The following DGKB variants were observed in gnomAD, a reference collection of about 807,000 sequenced individuals.
The protein encoded by DGKB is 90 kDa diacylglycerol kinase.
A neutral mutation model predicts 114.3 loss-of-function variants in DGKB; 67 were observed. That is an observed-to-expected ratio of 0.59 (90% CI 0.48 to 0.72). DGKB has a LOEUF of 0.72. Among genes scored for constraint, DGKB ranks in the 30% least tolerant of loss-of-function variants. The pLI, the probability that DGKB is intolerant of heterozygous loss-of-function variation, is 0.00. For missense variants in DGKB, 907 were observed against 975.2 expected (o/e 0.93, Z 0.93); for synonymous variants, 398 against 323.1 (o/e 1.23, Z -2.49).
At chr7:14,423,047 C>T (rs1303865409) in intron 21 of DGKB, among the ~76,000 whole-genome samples, 2 of 151,788 alleles carry the variant, frequency 1.3e-5, no homozygotes, top group East Asian at 3.9e-4. Context: ...AAGATGAAGC[C>T]TGTGTTTAAT....
intron 1 of DGKB, among the ~76,000 whole-genome samples, chr7:14,915,927 A>G (rs1213815354): frequency 6.6e-6 from 1 of 152,082 alleles, no homozygotes. Context: ...TGAGGGTAAA[A>G]TAAAATGTTT....
chr7:14,219,729 TTTCAC>T (rs1027308643), intron 23 of DGKB, among the ~76,000 whole-genome samples: 1 of 151,814 alleles, frequency 6.6e-6, no homozygotes, highest in African/African-American at 2.4e-5. Context: ...TGTGTTGTCT[TTTCAC>T]TTTCTTGATA....
At chr7:14,513,557 G>C (rs1014592834) in intron 20 of DGKB, among the ~76,000 whole-genome samples, 2 of 151,906 alleles carry the variant, frequency 1.3e-5, no homozygotes, top group African/African-American at 4.8e-5. Context: ...TTCATACTAT[G>C]TCAACAGAAT....
At chr7:14,280,115 A>T (rs2128452341) in intron 23 of DGKB, among the ~76,000 whole-genome samples, 1 of 151,550 alleles carries the variant, frequency 6.6e-6, no homozygotes, top group Non-Finnish European at 1.5e-5. Flanking sequence ...ACTTTGAAAA[A>T]AATTTAGAAG....
intron 25 of DGKB, among the ~76,000 whole-genome samples, chr7:14,171,578 A>G (rs1562527073): frequency 6.6e-6 from 1 of 152,232 alleles, no homozygotes; most frequent in Non-Finnish European, 1.5e-5. Context: ...CATACAGGAA[A>G]TAGAAGGATT....
At chr7:14,714,671 G>C (rs999131641) in intron 6 of DGKB, among the ~76,000 whole-genome samples, 2 of 152,124 alleles carry the variant, frequency 1.3e-5, no homozygotes, top group African/African-American at 4.8e-5. Flanking sequence ...CTAGACAAGA[G>C]AAACACTGAG....
At chr7:14,917,811 A>G (rs1784313817) in intron 1 of DGKB, among the ~76,000 whole-genome samples, 1 of 152,060 alleles carries the variant, frequency 6.6e-6, no homozygotes, top group Non-Finnish European at 1.5e-5. Flanking sequence ...GACCCTTACA[A>G]GAATGAAAAA....
intron 23 of DGKB, among the ~76,000 whole-genome samples, chr7:14,325,628 A>G (rs1332431550): frequency 6.6e-6 from 1 of 152,234 alleles, no homozygotes; most frequent in Non-Finnish European, 1.5e-5. Context: ...AAAAGCAATC[A>G]GAACCTAATT....
intron 21 of DGKB, among the ~76,000 whole-genome samples, chr7:14,475,316 C>T (rs1782007315): frequency 6.6e-6 from 1 of 152,040 alleles, no homozygotes; most frequent in Non-Finnish European, 1.5e-5. Context: ...AACTATCTGC[C>T]ATTGTAAGTA....
At chr7:14,910,714 T>C (rs904679770) in intron 1 of DGKB, among the ~76,000 whole-genome samples, 1 of 152,130 alleles carries the variant, frequency 6.6e-6, no homozygotes, top group Non-Finnish European at 1.5e-5. Flanking sequence ...ATCTCTCTAA[T>C]CTGGCTCCAA....
At chr7:14,199,595 C>T (rs892377516) in intron 23 of DGKB, among the ~76,000 whole-genome samples, 1 of 151,892 alleles carries the variant, frequency 6.6e-6, no homozygotes, top group South Asian at 2.1e-4. Context: ...AGGAATGGAA[C>T]AAATAGATGA....
At chr7:14,861,951 G>T (rs4634526) in intron 1 of DGKB, among the ~76,000 whole-genome samples, 8 of 151,726 alleles carry the variant, frequency 5.3e-5, no homozygotes, top group African/African-American at 1.9e-4. Context: ...ATGCGTCACC[G>T]TTTTCCAAAG....
intron 2 of DGKB, among the ~76,000 whole-genome samples, chr7:14,773,208 T>C (rs529277144): frequency 1.2e-4 from 19 of 152,302 alleles, no homozygotes; most frequent in Admixed American, 2.6e-4. Context: ...AAATAATTGA[T>C]ACTTTAGTGC....
At chr7:14,615,563 A>G (rs939476108) in intron 15 of DGKB, among the ~76,000 whole-genome samples, 1 of 151,878 alleles carries the variant, frequency 6.6e-6, no homozygotes, top group African/African-American at 2.4e-5. Context: ...GGGTAGTTAA[A>G]TGGAGAAACA....
intron 13 of DGKB, among the ~76,000 whole-genome samples, chr7:14,636,785 A>G (rs2128864860): frequency 6.6e-6 from 1 of 152,040 alleles, no homozygotes; most frequent in African/African-American, 2.4e-5. Context: ...TTTGTCCCAA[A>G]ATTGCTTAGG....
intron 2 of DGKB, among the ~76,000 whole-genome samples, chr7:14,789,828 A>G (rs1282247230): frequency 6.6e-6 from 1 of 152,124 alleles, no homozygotes; most frequent in Non-Finnish European, 1.5e-5. Context: ...GCTGAGTTAT[A>G]TAGTAGTGCC....
In DGKB at chr7:14,148,730, G is replaced by A. The variant is rs143506195; in HGVS notation, c.*401C>T. 7 of 254,056 alleles carry A rather than the reference G, an allele frequency of 2.8e-5. No individual in the cohort carries two copies. The highest frequency in any genetic ancestry group is 1.7e-4 in the South Asian group (4 of 23,194). 15.7% of individuals were successfully genotyped at this position (254,056 alleles called of 1,614,324 possible). A position where few individuals can be genotyped will look rare whatever the true frequency, so the allele number is the denominator to read the frequency against. On this transcript the variant is annotated 3_prime_UTR_variant, in exon 26 of 26. Transcript: ENST00000402815. ...AATCTGCAATTATGATCATTGTAGC[G>A]TTACTGATTAGTGCTTCGTAATAAT...
intron 17 of DGKB, among the ~76,000 whole-genome samples, chr7:14,589,731 C>A (rs574382341): frequency 2.8e-4 from 43 of 152,036 alleles, no homozygotes; most frequent in African/African-American, 9.2e-4. Flanking sequence ...TTCTTGAAAT[C>A]CTTTCAGGCA....
At chr7:14,671,476 C>G (rs773451970) in intron 13 of DGKB, among the ~76,000 whole-genome samples, 3 of 152,044 alleles carry the variant, frequency 2.0e-5, no homozygotes, top group African/African-American at 4.8e-5. Context: ...TGTCTAAAAA[C>G]AGCAATGAAA....
Sources: allele counts gnomAD v4.1 joint callset (sites outside exome capture counted in the v4.1 genomes callset), GRCh38; gene constraint gnomAD v4.1.1; transcripts MANE v1.5; gene names NCBI Gene and HGNC (gene_info 2026-07-23, HGNC 2026-07-21).